Variants in ADAP1 observed in about 807,000 individuals in gnomAD.
ADAP1 encodes arf-GAP with dual PH domain-containing protein 1.
In ADAP1, 31 loss-of-function variants were observed where a neutral mutation model predicts 54.9. That is an observed-to-expected ratio of 0.56 (90% CI 0.42 to 0.76). The LOEUF is 0.76. Ranked by LOEUF, ADAP1 falls within the 30% of genes least tolerant of loss-of-function variation. The pLI, the probability that ADAP1 is intolerant of heterozygous loss-of-function variation, is 0.00. For synonymous variants in ADAP1, 313 were observed against 202.6 expected, an observed-to-expected ratio of 1.55 and a Z score of -4.63; for missense variants, 535 against 512.4, an observed-to-expected ratio of 1.04 and a Z score of -0.42.
intron 8 of ADAP1, 104 bp from the exon 9 acceptor site, chr7:899,594 C>G: frequency 7.6e-7 from 1 of 1,314,104 alleles, no homozygotes; most frequent in Non-Finnish European, 1.0e-6. Flanking sequence ...TGGCCCGGGT[C>G]AGTCACCTCC....
rs1478376941 is a variant in ADAP1, at chr7:945,506, C to G, written c.82+8890G>C. Among the ~76,000 whole-genome samples, 1 of 152,222 alleles carries G rather than the reference C, an allele frequency of 6.6e-6. No individual in the cohort carries two copies. The highest frequency in any genetic ancestry group is 2.4e-5 in the African/African-American group (1 of 41,460). On this transcript the variant is annotated intron_variant, in intron 1 of 10. Transcript: ENST00000265846. The surrounding 1 kb of genome is among the most constrained non-coding windows in gnomAD (Gnocchi z 4.2). ...GTTCCAAAATGCCTGGAGTCAGCAC[C>G]CACGGCCTGTGGTGCCCCCAGAACA...
chr7:916,850 G>C (rs953809401), intron 4 of ADAP1, among the ~76,000 whole-genome samples: 9 of 152,018 alleles, frequency 5.9e-5, no homozygotes, highest in African/African-American at 1.7e-4. Context: ...GCTCAGGCCT[G>C]GGGCAGCCTC....
At position 899,095 on chromosome 7, in the gene ADAP1, C is replaced by T; in HGVS notation, c.1034G>A (p.Arg345Lys). ...CTTCTGGAAGGCCGCCACCCACTCCCTCTGGTCGGACTCCGTCTCGCAGGC... is the reference window on the plus strand; with the variant it reads ...CTTCTGGAAGGCCGCCACCCACTCCTTCTGGTCGGACTCCGTCTCGCAGGC... ...LFACETESDQ[R>K]EWVAAFQKAV... Residue 345 changes from arginine (R) to lysine (K), a missense_variant, in exon 10 of 11, where the codon AGG (arginine) becomes AAG (lysine). By Grantham distance (26) the Arg-to-Lys change is conservative. Coordinates refer to ENST00000265846, the MANE Select transcript of ADAP1 (RefSeq NM_006869.4). 2 of 1,608,384 alleles carry T rather than the reference C, an allele frequency of 1.2e-6. No homozygotes were observed. Among genetic ancestry groups the T allele is most frequent in the Non-Finnish European group, 1.7e-6 (2 of 1,179,928 alleles).
intron 2 of ADAP1, among the ~76,000 whole-genome samples, chr7:929,065 G>T (rs972012525): frequency 1.3e-5 from 2 of 152,166 alleles, no homozygotes; most frequent in African/African-American, 4.8e-5. Flanking sequence ...AGGCAGAGGT[G>T]GGCAGATCAC....
intron 6 of ADAP1, among the ~76,000 whole-genome samples, chr7:901,802 T>C (rs540481001): frequency 1.5e-3 from 216 of 145,096 alleles, no homozygotes; most frequent in Middle Eastern, 0.011. Context: ...CCGTCCCATT[T>C]GGCCCCGCCC....
intron 4 of ADAP1, among the ~76,000 whole-genome samples, chr7:908,315 G>A (rs1367906397): frequency 6.6e-6 from 1 of 152,148 alleles, no homozygotes; most frequent in African/African-American, 2.4e-5. Flanking sequence ...CAGAGACCAG[G>A]GGCTATTTTC....
intron 4 of ADAP1, among the ~76,000 whole-genome samples, chr7:910,699 C>G (rs1486713124): frequency 6.6e-6 from 1 of 152,240 alleles, no homozygotes; most frequent in Non-Finnish European, 1.5e-5. Flanking sequence ...CTCTGAGTGA[C>G]AGCTCACAGG....
chr7:914,172 A>C (rs1049315227), intron 4 of ADAP1, among the ~76,000 whole-genome samples: 3 of 152,188 alleles, frequency 2.0e-5, no homozygotes, highest in Admixed American at 6.5e-5. Flanking sequence ...GTTCCGGCTC[A>C]TTCCAGGGCA....
intron 3 of ADAP1, among the ~76,000 whole-genome samples, chr7:925,976 C>T (rs1846371445): frequency 6.6e-6 from 1 of 152,160 alleles, no homozygotes; most frequent in African/African-American, 2.4e-5. Flanking sequence ...TCAGGCTGGG[C>T]CCTGTGTGGT....
rs4407767 is a variant in ADAP1 at position 898,795 on chromosome 7, C to T, written c.*126G>A. ...AGCTGAAGCTCGGGCCCTACCTGGC[C>T]GCGCCGGGCTGCCCTGAGGAGCAGG... On this transcript the variant is annotated 3_prime_UTR_variant, in exon 11 of 11. Transcript: ENST00000265846. 21,152 of 1,345,266 alleles carry T rather than the reference C, an allele frequency of 0.016. 219 individuals carry two copies. Among genetic ancestry groups the T allele is most frequent in the Middle Eastern group, 0.041 (216 of 5,282 alleles). 83.3% of individuals were successfully genotyped at this position (1,345,266 alleles called of 1,614,324 possible).
chr7:905,336 C>CAGGGAGAT (rs1488425939), intron 4 of ADAP1, 164 bp from the exon 5 acceptor site: 1 of 390,732 alleles, frequency 2.6e-6, no homozygotes, highest in Non-Finnish European at 4.6e-6. Flanking sequence ...ATGGAGGAGA[C>CAGGGAGAT]AGGGAGATAG....
intron 4 of ADAP1, among the ~76,000 whole-genome samples, chr7:905,782 A>AGGACAAG (rs1845223173): frequency 3.3e-5 from 1 of 30,212 alleles, no homozygotes; most frequent in African/African-American, 1.5e-4. Flanking sequence ...GAAAGGAGAA[A>AGGACAAG]GGAGAAAGGA....
chr7:900,958 G>A (rs979080470), intron 6 of ADAP1: 6 of 543,778 alleles, frequency 1.1e-5, no homozygotes, highest in Non-Finnish European at 2.2e-5. Context: ...GTGCTGCTGG[G>A]GCCTGGGCCA....
rs1846379692 is a variant in ADAP1 at position 926,171 on chromosome 7, C to T, written c.305+382G>A. On this transcript the variant is annotated intron_variant, in intron 3 of 10. Transcript: ENST00000265846. This position sits in a 1 kb window ranked among gnomAD's most constrained non-coding sequence, Gnocchi z 4.6. ...CCAACCGGCCACCGGTACCCACGTC[C>T]GCTCCCGCCCTGAGGAGCCAGGGCA... Among the ~76,000 whole-genome samples, 1 of 150,822 alleles carries T rather than the reference C, an allele frequency of 6.6e-6. No homozygotes were observed. The highest frequency in any genetic ancestry group is 2.1e-4 in the South Asian group (1 of 4,734).
intron 6 of ADAP1, among the ~76,000 whole-genome samples, chr7:903,726 C>T (rs1041177053): frequency 1.3e-5 from 2 of 152,136 alleles, no homozygotes; most frequent in East Asian, 1.9e-4. Flanking sequence ...AGCCGGCTAC[C>T]GTCCACATCT....
At chr7:924,891 G>A (rs984999681) in intron 3 of ADAP1, among the ~76,000 whole-genome samples, 9 of 152,164 alleles carry the variant, frequency 5.9e-5, no homozygotes, top group Non-Finnish European at 1.0e-4. Flanking sequence ...GATTCATACC[G>A]AGAGCCCGGG....
At chr7:951,031 C>G (rs1389443123) in intron 1 of ADAP1, among the ~76,000 whole-genome samples, 1 of 151,734 alleles carries the variant, frequency 6.6e-6, no homozygotes, top group Non-Finnish European at 1.5e-5. Flanking sequence ...TGAACGTGCT[C>G]AAGGCCCTGG....
In ADAP1 at chr7:900,572, G is replaced by A; in HGVS notation, c.693C>T (p.His231=). Residue 231 remains histidine (H), a synonymous_variant, in exon 7 of 11, where the codon CAC becomes CAT. Transcript: ENST00000265846. ...CCCCTGGGAATGCCACCTGCAGGTAGTGGAAGCGAGCAGCTCGGAGTGCAT... is the reference window on the plus strand; with the variant it reads ...CCCCTGGGAATGCCACCTGCAGGTAATGGAAGCGAGCAGCTCGGAGTGCAT... ...WFNALRAARF[H]YLQVAFPGAG... is the part of the protein sequence containing the mutation. The A allele has an allele frequency of 6.2e-7, 1 of 1,611,670 alleles. No homozygotes were observed. The highest frequency in any genetic ancestry group is 8.5e-7 in the Non-Finnish European group (1 of 1,179,474).
At chr7:912,049 G>A (rs1010517136) in intron 4 of ADAP1, among the ~76,000 whole-genome samples, 4 of 152,296 alleles carry the variant, frequency 2.6e-5, no homozygotes, top group East Asian at 1.9e-4. Context: ...CCCACTATAT[G>A]GACGGGGAAA....
Sources: allele counts gnomAD v4.1 joint callset (sites outside exome capture counted in the v4.1 genomes callset), GRCh38; gene constraint gnomAD v4.1.1; non-coding constraint Gnocchi (gnomAD v3.1); transcripts MANE v1.5; gene names NCBI Gene and HGNC (gene_info 2026-07-23, HGNC 2026-07-21).